Variants in MDGA2 observed in about 807,000 individuals in gnomAD.
MDGA2 encodes the protein MAM domain-containing glycosylphosphatidylinositol anchor protein 2.
MDGA2 carries 40 observed loss-of-function variants against 117.8 expected under a neutral mutation model. The observed-to-expected ratio is 0.34, with a 90% confidence interval of 0.26 to 0.44. The LOEUF (loss-of-function observed/expected upper bound fraction) is 0.44. MDGA2 is among the 20% of genes least tolerant of loss of function. The probability of loss-of-function intolerance (pLI) is 1.00; values close to 1 mark genes in which losing one functional copy is unlikely to be tolerated. For missense variants in MDGA2, 1,123 were observed against 1,250.6 expected (o/e 0.90, Z 1.54); for synonymous variants, 452 against 439.0 (o/e 1.03, Z -0.37).
chr14:47,467,356 AG>A (rs1893625196), intron 1 of MDGA2, among the ~76,000 whole-genome samples: 1 of 152,108 alleles, frequency 6.6e-6, no homozygotes, highest in African/African-American at 2.4e-5. Context: ...TAACTATAAA[AG>A]TTTCAAGCAA....
chr14:47,634,835 T>G (rs1319163622), intron 1 of MDGA2, among the ~76,000 whole-genome samples: 2 of 152,104 alleles, frequency 1.3e-5, no homozygotes, highest in African/African-American at 4.8e-5. Context: ...GTCTTCCATC[T>G]CAATCATTAC....
At chr14:47,065,047 G>C (rs1384300588) in intron 6 of MDGA2, among the ~76,000 whole-genome samples, 1 of 152,064 alleles carries the variant, frequency 6.6e-6, no homozygotes, top group African/African-American at 2.4e-5. Context: ...ACCAGCCTGA[G>C]AGAACATTAG....
chr14:47,011,622 T>C (rs1887897984), intron 8 of MDGA2, among the ~76,000 whole-genome samples: 2 of 152,000 alleles, frequency 1.3e-5, no homozygotes, highest in African/African-American at 4.8e-5. Flanking sequence ...CTAGCATATA[T>C]TTTTTAATTT....
intron 6 of MDGA2, among the ~76,000 whole-genome samples, chr14:47,072,727 C>G (rs1890339010): frequency 6.6e-6 from 1 of 152,128 alleles, no homozygotes; most frequent in African/African-American, 2.4e-5. Flanking sequence ...CTGATATACT[C>G]TCGGGTTTGA....
At chr14:47,178,366 T>G (rs1415221427) in intron 3 of MDGA2, among the ~76,000 whole-genome samples, 1 of 152,130 alleles carries the variant, frequency 6.6e-6, no homozygotes, top group East Asian at 1.9e-4. Context: ...ACATCAGTGT[T>G]TTTTCCCTAT....
intron 2 of MDGA2, among the ~76,000 whole-genome samples, chr14:47,242,261 CTG>C (rs1348547175): frequency 6.6e-6 from 1 of 151,954 alleles, no homozygotes; most frequent in East Asian, 1.9e-4. Context: ...ACTCATGAAA[CTG>C]AGAGGTGACA....
chr14:47,360,453 C>T (rs939304539), intron 1 of MDGA2, among the ~76,000 whole-genome samples: 1 of 151,496 alleles, frequency 6.6e-6, no homozygotes, highest in African/African-American at 2.4e-5. Context: ...CCAAGGAAGA[C>T]ATAAAAATGG....
chr14:47,533,431 C>CA (rs931248912), intron 1 of MDGA2, among the ~76,000 whole-genome samples: 29 of 152,254 alleles, frequency 1.9e-4, no homozygotes, highest in African/African-American at 7.0e-4. Flanking sequence ...GATTGATCAA[C>CA]AAGTAAAATT....
chr14:47,201,189 C>T, intron 3 of MDGA2: 1 of 600,704 alleles, frequency 1.7e-6, no homozygotes, highest in Non-Finnish European at 3.1e-6. Context: ...TCTTGAGGAA[C>T]ATTTTTCACG....
intron 1 of MDGA2, among the ~76,000 whole-genome samples, chr14:47,434,350 T>A (rs763730002): frequency 7.2e-5 from 11 of 152,130 alleles, no homozygotes; most frequent in Non-Finnish European, 1.3e-4. Flanking sequence ...ATGTTACCTT[T>A]AATTTATTTG....
At chr14:46,889,840 G>A (rs1193369785) in intron 10 of MDGA2, among the ~76,000 whole-genome samples, 2 of 152,058 alleles carry the variant, frequency 1.3e-5, no homozygotes, top group African/African-American at 4.8e-5. Context: ...GAACTTCTAG[G>A]CAAGTCTTGC....
chr14:46,887,740 T>C (rs945811958), intron 10 of MDGA2, among the ~76,000 whole-genome samples: 1 of 151,922 alleles, frequency 6.6e-6, no homozygotes, highest in Non-Finnish European at 1.5e-5. Flanking sequence ...ATATAAATGA[T>C]GACACTTTTA....
At chr14:47,125,660 C>T (rs921258795) in intron 5 of MDGA2, among the ~76,000 whole-genome samples, 1 of 151,900 alleles carries the variant, frequency 6.6e-6, no homozygotes, top group Non-Finnish European at 1.5e-5. Context: ...CCCTCTATTT[C>T]TATAGCCAGT....
intron 8 of MDGA2, among the ~76,000 whole-genome samples, chr14:46,982,197 A>G (rs1295899485): frequency 2.0e-5 from 3 of 152,200 alleles, no homozygotes; most frequent in Non-Finnish European, 4.4e-5. Context: ...ACACCATATC[A>G]TACGAGTACT....
intron 1 of MDGA2, among the ~76,000 whole-genome samples, chr14:47,500,879 A>G (rs761676045): frequency 1.3e-5 from 2 of 152,184 alleles, no homozygotes; most frequent in African/African-American, 2.4e-5. Flanking sequence ...CTTCTCTATT[A>G]AAGATTATAG....
At chr14:47,319,699 T>A (rs1273771597) in intron 1 of MDGA2, among the ~76,000 whole-genome samples, 1 of 152,186 alleles carries the variant, frequency 6.6e-6, no homozygotes, top group East Asian at 1.9e-4. Flanking sequence ...CTACCTTGAA[T>A]CTTTTGTTTG....
intron 4 of MDGA2, among the ~76,000 whole-genome samples, chr14:47,140,300 A>G (rs1882661821): frequency 6.6e-6 from 1 of 152,074 alleles, no homozygotes; most frequent in African/African-American, 2.4e-5. Flanking sequence ...TCAAAATACC[A>G]ATGAAATTCT....
intron 1 of MDGA2, among the ~76,000 whole-genome samples, chr14:47,412,450 G>T (rs1892393502): frequency 6.6e-6 from 1 of 151,890 alleles, no homozygotes; most frequent in East Asian, 1.9e-4. Context: ...CCCAACTAAT[G>T]TTTTTAATTT....
intron 1 of MDGA2, among the ~76,000 whole-genome samples, chr14:47,625,133 C>G (rs895487259): frequency 1.8e-4 from 28 of 152,032 alleles, no homozygotes; most frequent in Non-Finnish European, 1.5e-5. Flanking sequence ...ATCTATGGTT[C>G]CTTTTACACA....
Sources: gnomAD v4.1 joint callset for allele counts (sites outside exome capture counted in the v4.1 genomes callset) on GRCh38, gnomAD v4.1.1 for gene constraint, MANE v1.5 for transcripts, NCBI Gene and HGNC (gene_info 2026-07-23, HGNC 2026-07-21) for gene names.